The following CELF4 variants were observed in gnomAD, a reference collection of about 807,000 sequenced individuals.
CELF4 encodes CUGBP Elav-like family member 4, also known as CUG-BP- and ETR-3-like factor 4.
Under a neutral mutation model 59.9 loss-of-function variants are expected in CELF4, and 18 were observed. That is an observed-to-expected ratio of 0.30 (90% CI 0.21 to 0.45). The LOEUF (loss-of-function observed/expected upper bound fraction) is 0.45. CELF4 is among the 20% of genes least tolerant of loss of function. CELF4 has a pLI of 1.00. For missense variants in CELF4, 456 were observed against 689.0 expected (o/e 0.66, Z 3.79); for synonymous variants, 261 against 267.1 (o/e 0.98, Z 0.22).
chr18:37,332,209 T>C (rs1165480520), intron 2 of CELF4, among the ~76,000 whole-genome samples: 1 of 152,134 alleles, frequency 6.6e-6, no homozygotes, highest in African/African-American at 2.4e-5. Flanking sequence ...AGGTTGCCTT[T>C]TATTCTTGGT....
intron 2 of CELF4, among the ~76,000 whole-genome samples, chr18:37,447,529 C>T (rs2099751399): frequency 6.6e-6 from 1 of 152,158 alleles, no homozygotes; most frequent in Non-Finnish European, 1.5e-5. Context: ...CTGGAGGGAG[C>T]GACCCGTTTT....
intron 2 of CELF4, among the ~76,000 whole-genome samples, chr18:37,419,162 G>A (rs188468942): frequency 6.6e-6 from 1 of 152,268 alleles, no homozygotes; most frequent in East Asian, 1.9e-4. Context: ...CACCCAGAAG[G>A]GGCTAAGTCA....
intron 2 of CELF4, among the ~76,000 whole-genome samples, chr18:37,426,231 G>C (rs370280483): frequency 6.6e-6 from 1 of 152,190 alleles, no homozygotes; most frequent in Non-Finnish European, 1.5e-5. Flanking sequence ...GAAGAATATC[G>C]GGACACTGGT....
intron 10 of CELF4, among the ~76,000 whole-genome samples, chr18:37,259,690 C>A (rs948786770): frequency 1.3e-5 from 2 of 152,150 alleles, no homozygotes; most frequent in African/African-American, 4.8e-5. Context: ...CCTGGGGCAG[C>A]CAAGTCCTGT....
chr18:37,315,409 C>T (rs2096832944), intron 3 of CELF4, among the ~76,000 whole-genome samples: 1 of 152,174 alleles, frequency 6.6e-6, no homozygotes, highest in African/African-American at 2.4e-5. Context: ...TGGTTTCTAA[C>T]TTCTCCCCAG....
chr18:37,530,707 C>T (rs1386415056), intron 1 of CELF4, among the ~76,000 whole-genome samples: 4 of 152,096 alleles, frequency 2.6e-5, no homozygotes, highest in African/African-American at 9.7e-5. Flanking sequence ...CCTTCCTCCT[C>T]CTGGTGGTGA....
intron 1 of CELF4, among the ~76,000 whole-genome samples, chr18:37,495,780 G>C (rs982629427): frequency 1.1e-4 from 17 of 151,846 alleles, no homozygotes; most frequent in Non-Finnish European, 2.1e-4. Flanking sequence ...CCTATCCCCA[G>C]GCCTGAAGCA....
In CELF4 at chr18:37,565,615, T is replaced by C; in HGVS notation, c.27A>G (p.Ala9=). 1 of 1,603,444 alleles carries C rather than the reference T, an allele frequency of 6.2e-7. No homozygotes were observed. Among genetic ancestry groups the C allele is most frequent in the Non-Finnish European group, 8.5e-7 (1 of 1,173,936 alleles). Residue 9 remains alanine, a synonymous_variant, in exon 1 of 13, where the codon GCA becomes GCG. Transcript: ENST00000420428. ...GGCTTGCGTTGTCAGCCTGTCCGTT[T>C]GCTAACGTGGCCATCTTTATATACA... MYIKMATL[A]NGQADNASLS... is the part of the protein sequence containing the mutation.
intron 3 of CELF4, among the ~76,000 whole-genome samples, chr18:37,296,517 G>T (rs2095651376): frequency 6.6e-6 from 1 of 152,150 alleles, no homozygotes; most frequent in African/African-American, 2.4e-5. Flanking sequence ...AATGTGTTGG[G>T]TGACCATATA....
chr18:37,500,347 G>A (rs1346594532), intron 1 of CELF4, among the ~76,000 whole-genome samples: 1 of 152,136 alleles, frequency 6.6e-6, no homozygotes, highest in Non-Finnish European at 1.5e-5. Flanking sequence ...ATGGGAAGGA[G>A]TAGGGCCGAG....
chr18:37,278,837 TG>T (rs1417551859), intron 3 of CELF4, among the ~76,000 whole-genome samples: 2 of 152,226 alleles, frequency 1.3e-5, no homozygotes, highest in African/African-American at 4.8e-5. Context: ...CCTGAGGCTG[TG>T]GCTGGCCAGC....
At chr18:37,495,898 T>A (rs1005207732) in intron 1 of CELF4, among the ~76,000 whole-genome samples, 2 of 152,046 alleles carry the variant, frequency 1.3e-5, no homozygotes, top group African/African-American at 4.8e-5. Context: ...CTGACTCTTA[T>A]CTCCCATGAA....
At chr18:37,410,961 C>A (rs1029878248) in intron 2 of CELF4, among the ~76,000 whole-genome samples, 1 of 152,132 alleles carries the variant, frequency 6.6e-6, no homozygotes, top group Admixed American at 6.5e-5. Flanking sequence ...AAGGCAGAAA[C>A]CAAGAGTTTT....
intron 3 of CELF4, among the ~76,000 whole-genome samples, chr18:37,297,251 G>A (rs1603304760): frequency 6.6e-6 from 1 of 152,196 alleles, no homozygotes; most frequent in Admixed American, 6.5e-5. Context: ...AGGGCACCGG[G>A]AGGCCACTAC....
chr18:37,353,233 A>AAAATATAT lies in CELF4; in HGVS notation c.370-31353_370-31352insATATATTT, dbSNP rs71168258. On this transcript the variant is annotated intron_variant, in intron 2 of 12. Transcript: ENST00000420428. Reference sequence around the variant, plus strand: ...GAGACTCCGTCTCAAAAAAAAAAAAAATATATATATATATATACATAAAAG... The same window carrying AAAATATAT: ...GAGACTCCGTCTCAAAAAAAAAAAAAAAATATATATATATATATATATATACATAAAAG... Among the ~76,000 whole-genome samples, 40 of 106,974 alleles carry AAAATATAT rather than the reference A, an allele frequency of 3.7e-4. 1 individual carries two copies. Among genetic ancestry groups the AAAATATAT allele is most frequent in the Admixed American group, 6.1e-4 (5 of 8,144 alleles). The allele number at this position is 106,974 out of a possible 152,430, so 70.2% of individuals were successfully genotyped here.
rs114279625 is a variant in CELF4, at chr18:37,410,099, T to C, written c.369+75426A>G. On this transcript the variant is annotated intron_variant, in intron 2 of 12. Coordinates refer to ENST00000420428, the MANE Select transcript of CELF4 (RefSeq NM_020180.4). ...GAGCGGCTGCCACTCCCCGTGCCGATGTGTGTGAGGTTCTCGGGAGAGCAT... is the reference window on the plus strand; with the variant it reads ...GAGCGGCTGCCACTCCCCGTGCCGACGTGTGTGAGGTTCTCGGGAGAGCAT... 2.1e-3 allele frequency among the ~76,000 whole-genome samples: 326 copies of C among 152,220 alleles called. 3 individuals are homozygous for C. The highest frequency in any genetic ancestry group is 7.6e-3 in the African/African-American group (314 of 41,550).
chr18:37,539,575 T>C (rs1256198099), intron 1 of CELF4, among the ~76,000 whole-genome samples: 1 of 152,158 alleles, frequency 6.6e-6, no homozygotes, highest in Non-Finnish European at 1.5e-5. Flanking sequence ...AACATTCCAG[T>C]GACAGTCACA....
intron 8 of CELF4, among the ~76,000 whole-genome samples, chr18:37,269,995 G>A (rs2090339554): frequency 6.6e-6 from 1 of 152,158 alleles, no homozygotes; most frequent in Non-Finnish European, 1.5e-5. Context: ...TCCACATCGG[G>A]AGCACATTTC....
At chr18:37,402,425 CA>C (rs770294724) in intron 2 of CELF4, among the ~76,000 whole-genome samples, 3 of 152,120 alleles carry the variant, frequency 2.0e-5, no homozygotes, top group Non-Finnish European at 4.4e-5. Flanking sequence ...GTTCCAGGGT[CA>C]GGGGGACCCC....
Sources: gnomAD v4.1 joint callset for allele counts (sites outside exome capture counted in the v4.1 genomes callset) on GRCh38, gnomAD v4.1.1 for gene constraint, MANE v1.5 for transcripts, NCBI Gene and HGNC (gene_info 2026-07-23, HGNC 2026-07-21) for gene names.